The following POLR1G variants were observed in gnomAD, a reference collection of about 807,000 sequenced individuals.
The protein encoded by POLR1G is RNA polymerase I subunit G.
POLR1G carries 9 observed loss-of-function variants against 6.3 expected under a neutral mutation model. The observed-to-expected ratio is 1.44, with a 90% CI of 0.87 to 2.51. The LOEUF (loss-of-function observed/expected upper bound fraction) is 2.51. Ranked by LOEUF, POLR1G falls within the 30% of genes most tolerant of loss-of-function variation. POLR1G has a pLI of 0.00. For synonymous variants in POLR1G, 248 were observed against 256.5 expected, an observed-to-expected ratio of 0.97 and a Z score of 0.32; for missense variants, 617 against 632.5, an observed-to-expected ratio of 0.98 and a Z score of 0.26.
rs374741789 is a variant in POLR1G at position 45,408,703 on chromosome 19, G to A, written c.735G>A (p.Leu245=). 3.0e-5 allele frequency: 48 copies of A among 1,613,812 alleles called. No individual in the cohort carries two copies. Among genetic ancestry groups the A allele is most frequent in the Non-Finnish European group, 3.6e-5 (43 of 1,179,970 alleles). The stretch of plus-strand genomic sequence containing the variant: ...AGACACTGGAGCCTCTGGGAGTGCT[G>A]TTCCCGTCCACCACCAAGAAGAGGA... The part of the protein sequence containing the change: ...TVETLEPLGV[L]FPSTTKKRKK... The change falls in exon 3 of 3, where the codon CTG becomes CTA. Residue 245 remains leucine (L), a synonymous_variant. Coordinates refer to ENST00000309424, the MANE Select transcript of POLR1G (RefSeq NM_012099.3).
At chr19:45,407,287 G>C (rs748674099) in intron 2 of POLR1G, 52 bp downstream of exon 2, 1 of 1,547,962 alleles carries the variant, frequency 6.5e-7, no homozygotes, top group African/African-American at 1.4e-5. Flanking sequence ...CCCCAAGAGC[G>C]GGTTCTTGAA....
rs758456293 is a variant in POLR1G at position 45,409,005 on chromosome 19, CGATGGAGCCAGTGGAGCCGGAGAT to C, written c.1040_1063del (p.Met347_Met354del). 2 of 1,613,780 alleles carry C rather than the reference CGATGGAGCCAGTGGAGCCGGAGAT, an allele frequency of 1.2e-6. No homozygotes were observed. Among genetic ancestry groups the C allele is most frequent in the Admixed American group, 3.3e-5 (2 of 59,954 alleles). On this transcript the variant is annotated inframe_deletion, in exon 3 of 3. Transcript: ENST00000309424. ...GCAATGATGGAGCCAGGGACGGAGG[CGATGGAGCCAGTGGAGCCGGAGAT>C]GAAGCCTCTGGAGTCCCCAGGGGGG...
rs1051581025 is a variant in POLR1G, at chr19:45,409,892, ATTATTT to A, written c.*394_*399del. On this transcript the variant is annotated 3_prime_UTR_variant, in exon 3 of 3. Transcript: ENST00000309424. ...ATCTTTTTAAGTTATTATTATTATTATTATTTTTTTTTTTTTTGAGATGGAGTCTCG... is the reference window on the plus strand; with the variant it reads ...ATCTTTTTAAGTTATTATTATTATTATTTTTTTTTTTGAGATGGAGTCTCG... 4.8e-5 allele frequency: 10 copies of A among 206,480 alleles called. No individual in the cohort carries two copies. Among genetic ancestry groups the A allele is most frequent in the African/African-American group, 3.8e-4 (9 of 23,946 alleles). 12.8% of individuals were successfully genotyped at this position (206,480 alleles called of 1,614,324 possible).
intron 2 of POLR1G, chr19:45,407,458 A>C: frequency 1.9e-6 from 1 of 524,194 alleles, no homozygotes; most frequent in Non-Finnish European, 3.3e-6. Context: ...ATAAGGAACT[A>C]TAGTTAAACT....
In POLR1G at chr19:45,408,867, A is replaced by T. The variant is rs776736875; in HGVS notation, c.899A>T (p.Glu300Val). 1 of 1,614,168 alleles carries T rather than the reference A, an allele frequency of 6.2e-7. No homozygotes were observed. The highest frequency in any genetic ancestry group is 8.5e-7 in the Non-Finnish European group (1 of 1,180,026). The change falls in exon 3 of 3, where the codon GAG becomes GTG. Residue 300 changes from glutamate (E) to valine (V), a missense_variant. By Grantham distance (121) the Glu-to-Val change is moderately radical. Coordinates refer to ENST00000309424, the MANE Select transcript of POLR1G (RefSeq NM_012099.3). ...AGGCAAAAGGGGACGGAAGGGATGG[A>T]GCCAGAGGAGGGGGTGACAGTTGAG... ...RKRQKGTEGM[E>V]PEEGVTVESQ...
rs1973389059 is a variant in POLR1G at position 45,406,981 on chromosome 19, GT to G, written c.23-111del. On this transcript the variant is annotated intron_variant, in intron 1 of 2. Transcript: ENST00000309424. This position sits in a 1 kb window ranked among gnomAD's most constrained non-coding sequence, Gnocchi z 4.2. ...CAGGTGGGCAGAAAGGAGAAACCAG[GT>G]TGAGGGGACTGGAGTGCTCACGAGG... The G allele has an allele frequency of 7.2e-6, 10 of 1,389,122 alleles. No individual in the cohort carries two copies. Among genetic ancestry groups the G allele is most frequent in the Non-Finnish European group, 7.8e-6 (8 of 1,027,896 alleles). 86.0% of individuals were successfully genotyped at this position (1,389,122 alleles called of 1,614,324 possible). A position where few individuals can be genotyped will look rare whatever the true frequency, so the allele number is the denominator to read the frequency against.
In POLR1G at chr19:45,409,252, A is replaced by G. The variant is rs1973537883; in HGVS notation, c.1284A>G (p.Lys428=). The G allele has an allele frequency of 6.2e-7, 1 of 1,612,212 alleles. No individual in the cohort carries two copies. The highest frequency in any genetic ancestry group is 8.5e-7 in the Non-Finnish European group (1 of 1,178,920). The part of the protein sequence containing the change: ...PTSTKKKKKK[K]ERGHTVTEPI... Reference sequence around the variant, plus strand: ...CCACCAAGAAGAAGAAGAAGAAGAAAGAGAGAGGTCACACAGTGACTGAGC... The same window carrying G: ...CCACCAAGAAGAAGAAGAAGAAGAAGGAGAGAGGTCACACAGTGACTGAGC... Residue 428 remains lysine (K), a synonymous_variant, in exon 3 of 3, where the codon AAA becomes AAG. Transcript: ENST00000309424.
At chr19:45,407,835 C>T in intron 2 of POLR1G, 1 of 290,380 alleles carries the variant, frequency 3.4e-6, no homozygotes, top group Non-Finnish European at 6.4e-6. Context: ...GCGAGCAGAT[C>T]ACTTGAGGTC....
rs768138183 is a variant in POLR1G at position 45,408,177 on chromosome 19, A to AGGGCAAATTGGC, written c.210_221dup (p.Leu73_Lys76dup). On this transcript the variant is annotated inframe_insertion, in exon 3 of 3. Transcript: ENST00000309424. ...CCTCTCTCTGGCTCCCAGATCGTCA[A>AGGGCAAATTGGC]GGGCAAATTGGCAGGCAAGCGGCAC... 3.7e-6 allele frequency: 6 copies of AGGGCAAATTGGC among 1,611,622 alleles called. No homozygotes were observed. In the East Asian group the frequency reaches 1.3e-4, roughly 36 times the overall value.
Position 45,406,763 on chromosome 19 carries a change from G to C in POLR1G, c.22+45G>C. On this transcript the variant is annotated intron_variant, in intron 1 of 2. Transcript: ENST00000309424. This position sits in a 1 kb window ranked among gnomAD's most constrained non-coding sequence, Gnocchi z 4.2. ...GGGTGCGGAGGGTGCGTTGGTGGAA[G>C]GAGAAAGGGGCGTCCGAGAGGGTTC... 6.7e-7 allele frequency: 1 copy of C among 1,491,612 alleles called. No individual in the cohort carries two copies. The allele number at this position is 1,491,612 out of a possible 1,614,324, so 92.4% of individuals were successfully genotyped here.
Position 45,408,414 on chromosome 19 carries a change from T to C in POLR1G, c.446T>C (p.Phe149Ser), listed in dbSNP as rs1374818554. The C allele has an allele frequency of 4.3e-6, 7 of 1,613,592 alleles. No individual in the cohort carries two copies. The highest frequency in any genetic ancestry group is 5.9e-6 in the Non-Finnish European group (7 of 1,179,846). Reference sequence around the variant, plus strand: ...ATCCCTCCTGGCCTGAGGCCTCGGTTCTGTGCCTTTGGGGGCAACCCACCA... The same window carrying C: ...ATCCCTCCTGGCCTGAGGCCTCGGTCCTGTGCCTTTGGGGGCAACCCACCA... ...PQIPPGLRPR[F>S]CAFGGNPPVT... The change falls in exon 3 of 3, where the codon TTC becomes TCC. Residue 149 changes from phenylalanine (F) to serine (S), a missense_variant. Phe to Ser is a radical substitution (Grantham distance 155). Coordinates refer to ENST00000309424, the MANE Select transcript of POLR1G (RefSeq NM_012099.3).
Position 45,410,709 on chromosome 19 carries a change from TACAC to T in POLR1G, c.*1210_*1213del, listed in dbSNP as rs1973682874. ...GAGTTCAATTGTTTTGATTTTTAGA[TACAC>T]AAATAAATAAGAACATGCAATGTTT... On this transcript the variant is annotated 3_prime_UTR_variant, in exon 3 of 3. Coordinates refer to ENST00000309424, the MANE Select transcript of POLR1G (RefSeq NM_012099.3). 6.6e-6 allele frequency: 1 copy of T among 152,096 alleles called. No homozygotes were observed. The highest frequency in any genetic ancestry group is 2.4e-5 in the African/African-American group (1 of 41,414). The allele number at this position is 152,096 out of a possible 1,614,324, so 9.4% of individuals were successfully genotyped here.
In POLR1G at chr19:45,408,657, T is replaced by C. The variant is rs1197767271; in HGVS notation, c.689T>C (p.Val230Ala). The C allele has an allele frequency of 2.4e-5, 38 of 1,611,948 alleles. No homozygotes were observed. Among genetic ancestry groups the C allele is most frequent in the Non-Finnish European group, 3.2e-5 (38 of 1,179,530 alleles). The change falls in exon 3 of 3, where the codon GTG becomes GCG. Residue 230 changes from valine (V) to alanine (A), a missense_variant. Val to Ala is a moderately conservative substitution (Grantham distance 64). Transcript: ENST00000309424. ...QLKEPEAAGP[V>A]GTEPTVETLE... ...AAAGAACCAGAGGCAGCAGGGCCTG[T>C]GGGGACAGAGCCCACAGTGGAGACA...
In POLR1G at chr19:45,409,366, G is replaced by A. The variant is rs749054278; in HGVS notation, c.1398G>A (p.Gln466=). 3 of 1,614,082 alleles carry A rather than the reference G, an allele frequency of 1.9e-6. No homozygotes were observed. In the Admixed American group the frequency reaches 5.0e-5, roughly 27 times the overall value. Residue 466 remains glutamine, a synonymous_variant, in exon 3 of 3, where the codon CAG becomes CAA. Coordinates refer to ENST00000309424, the MANE Select transcript of POLR1G (RefSeq NM_012099.3). ...TPGSTKKRKK[Q]SQESRMPETV... is the part of the protein sequence containing the mutation. ...GATCCACCAAGAAGAGGAAGAAGCA[G>A]AGTCAGGAAAGCCGGATGCCAGAGA...
chr19:45,408,080 C>G, intron 2 of POLR1G, 53 bp from the exon 3 acceptor site: 2 of 1,508,104 alleles, frequency 1.3e-6, no homozygotes, highest in Non-Finnish European at 1.8e-6. Context: ...AATCAAAAAA[C>G]CTTCCCTCTC....
At chr19:45,407,368 C>T (rs1973409123) in intron 2 of POLR1G, 133 bp downstream of exon 2, 3 of 804,270 alleles carry the variant, frequency 3.7e-6, no homozygotes, top group Admixed American at 3.1e-5. Context: ...GGAAACTACT[C>T]CTTTACAGAG....
At chr19:45,407,306 A>G in intron 2 of POLR1G, 71 bp downstream of exon 2, 1 of 1,457,872 alleles carries the variant, frequency 6.9e-7, no homozygotes, top group Non-Finnish European at 9.4e-7. Flanking sequence ...AATTTGTCAC[A>G]GGAAAGAATT....
At position 45,406,801 on chromosome 19, in the gene POLR1G, A is replaced by C; in HGVS notation, c.22+83A>C. 1 of 1,318,616 alleles carries C rather than the reference A, an allele frequency of 7.6e-7. No individual in the cohort carries two copies. Among genetic ancestry groups the C allele is most frequent in the Non-Finnish European group, 1.0e-6 (1 of 980,230 alleles). 81.7% of individuals were successfully genotyped at this position (1,318,616 alleles called of 1,614,324 possible). ...TCCGAGAGGGTTCGGGCGGAAAAGG[A>C]GGCGTACCTGCAAGCAGGACTTGCG... On this transcript the variant is annotated intron_variant, in intron 1 of 2. Transcript: ENST00000309424. The surrounding 1 kb of genome is among the most constrained non-coding windows in gnomAD (Gnocchi z 4.2).
chr19:45,409,458 G>A lies in POLR1G; in HGVS notation c.1490G>A (p.Gly497Asp), dbSNP rs1227346996. 1 of 1,612,648 alleles carries A rather than the reference G, an allele frequency of 6.2e-7. No individual in the cohort carries two copies. The highest frequency in any genetic ancestry group is 1.3e-5 in the African/African-American group (1 of 74,904). ...NSESGEEAPT[G>D]RDKKRKQQQQ... Reference sequence around the variant, plus strand: ...GAGTCTGGGGAGGAGGCTCCCACAGGCCGGGACAAGAAGCGGAAGCAGCAG... The same window carrying A: ...GAGTCTGGGGAGGAGGCTCCCACAGACCGGGACAAGAAGCGGAAGCAGCAG... Residue 497 changes from glycine to aspartate, a missense_variant, in exon 3 of 3, where the codon GGC (glycine) becomes GAC (aspartate). By Grantham distance (94) the Gly-to-Asp change is moderately conservative (BLOSUM62 -1). Coordinates refer to ENST00000309424, the MANE Select transcript of POLR1G (RefSeq NM_012099.3).
Sources: allele counts gnomAD v4.1 joint callset, GRCh38; gene constraint gnomAD v4.1.1; non-coding constraint Gnocchi (gnomAD v3.1); transcripts MANE v1.5; gene names NCBI Gene and HGNC (gene_info 2026-07-23, HGNC 2026-07-21).